ZNF831: variants seen among roughly 807,000 people sequenced by gnomAD.
The protein encoded by ZNF831 is zinc finger protein 831.
In ZNF831, 59 loss-of-function variants were observed where a neutral mutation model predicts 95.8. The observed-to-expected ratio is 0.62, with a 90% CI of 0.50 to 0.77. The LOEUF is 0.77. ZNF831 is among the 30% of genes least tolerant of loss of function. ZNF831 has a pLI of 0.00. For synonymous variants in ZNF831, 961 were observed against 925.5 expected (o/e 1.04, Z -0.70); for missense variants, 2,205 against 2,164.0 (o/e 1.02, Z -0.38).
intron 3 of ZNF831, among the ~76,000 whole-genome samples, chr20:59,205,672 C>T (rs895703055): frequency 1.2e-4 from 19 of 152,262 alleles, no homozygotes; most frequent in East Asian, 3.9e-4. Context: ...GGAAAATAGC[C>T]GGTTCTGAGG....
chr20:59,141,048 C>T (rs2146444295), intron 1 of ZNF831, among the ~76,000 whole-genome samples: 1 of 152,184 alleles, frequency 6.6e-6, no homozygotes, highest in Non-Finnish European at 1.5e-5. Flanking sequence ...TATAGGTGCG[C>T]ACCACCACAC....
chr20:59,218,984 G>C (rs1290576009), intron 4 of ZNF831, among the ~76,000 whole-genome samples: 4 of 152,242 alleles, frequency 2.6e-5, no homozygotes, highest in African/African-American at 9.6e-5. Context: ...CTACACTCCA[G>C]CCTAGGTGAC....
intron 1 of ZNF831, among the ~76,000 whole-genome samples, chr20:59,180,944 C>T (rs141552272): frequency 0.014 from 2,180 of 152,288 alleles, 18 homozygotes; most frequent in Admixed American, 0.022. Context: ...CTTGAGGAAT[C>T]GCCACATTGT....
chr20:59,222,757 C>T (rs1359808642), intron 4 of ZNF831, among the ~76,000 whole-genome samples: 1 of 152,178 alleles, frequency 6.6e-6, no homozygotes, highest in Non-Finnish European at 1.5e-5. Flanking sequence ...GCCTGGAGTC[C>T]GGTCTGGGAG....
At chr20:59,177,696 C>G (rs1490966415) in intron 1 of ZNF831, among the ~76,000 whole-genome samples, 2 of 152,220 alleles carry the variant, frequency 1.3e-5, no homozygotes, top group Non-Finnish European at 2.9e-5. Flanking sequence ...GACGGTCTCT[C>G]CTGGGATTGC....
chr20:59,178,966 T>C (rs1269501406), intron 1 of ZNF831, among the ~76,000 whole-genome samples: 2 of 152,108 alleles, frequency 1.3e-5, no homozygotes, highest in African/African-American at 4.8e-5. Flanking sequence ...TCTCCTTATG[T>C]CCCCATATGT....
rs201240930 is a variant in ZNF831, at chr20:59,151,692, C to A, written c.-1281+5318C>A. Among the ~76,000 whole-genome samples the A allele has an allele frequency of 9.2e-5, 14 of 152,258 alleles. No homozygotes were observed. The East Asian group carries it at 2.7e-3, about 29-fold the overall frequency. ...TGAAGAGAGCACTGTTTTGAAAAGTCCTTTATGGAGATTTGTAGTAGTTTT... is the reference window on the plus strand; with the variant it reads ...TGAAGAGAGCACTGTTTTGAAAAGTACTTTATGGAGATTTGTAGTAGTTTT... On this transcript the variant is annotated intron_variant, in intron 2 of 7. Coordinates refer to the ZNF831 transcript ENST00000637017.
chr20:59,246,327 A>G (rs1225692347), intron 4 of ZNF831, among the ~76,000 whole-genome samples: 1 of 152,342 alleles, frequency 6.6e-6, no homozygotes, highest in South Asian at 2.1e-4. Flanking sequence ...CTGAAACAGA[A>G]TAATTTCTCC....
intron 2 of ZNF831, among the ~76,000 whole-genome samples, chr20:59,148,293 G>A (rs1979990604): frequency 6.6e-6 from 1 of 152,128 alleles, no homozygotes; most frequent in African/African-American, 2.4e-5. Context: ...GGATATCCAA[G>A]GGGTGCACAT....
At chr20:59,178,478 A>C (rs1445584406) in intron 1 of ZNF831, among the ~76,000 whole-genome samples, 2 of 152,200 alleles carry the variant, frequency 1.3e-5, no homozygotes, top group African/African-American at 4.8e-5. Flanking sequence ...TCATTCACTC[A>C]ACCAATATTT....
chr20:59,235,616 A>G (rs1162125001), intron 4 of ZNF831, among the ~76,000 whole-genome samples: 1 of 152,220 alleles, frequency 6.6e-6, no homozygotes, highest in Admixed American at 6.5e-5. Flanking sequence ...GAGATGAACT[A>G]TATTAGAATC....
At chr20:59,149,161 A>G (rs1980074362) in intron 2 of ZNF831, among the ~76,000 whole-genome samples, 1 of 152,180 alleles carries the variant, frequency 6.6e-6, no homozygotes, top group African/African-American at 2.4e-5. Flanking sequence ...TTGAGATCAG[A>G]CCAGAGGTGC....
At chr20:59,130,188 G>A (rs1979304439) in intron 1 of ZNF831, among the ~76,000 whole-genome samples, 1 of 152,194 alleles carries the variant, frequency 6.6e-6, no homozygotes, top group African/African-American at 2.4e-5. Context: ...TTATTAAAGA[G>A]ACAGGGCCAT....
Position 59,150,750 on chromosome 20 carries a change from C to T in ZNF831, c.-1281+4376C>T, listed in dbSNP as rs148163876. On this transcript the variant is annotated intron_variant, in intron 2 of 7. Coordinates refer to the ZNF831 transcript ENST00000637017. ...AGGAGCTCTCCTTGAGTCTGCCCAA[C>T]GGAGGTGTGTAGTGATTTGTTGTCC... Among the ~76,000 whole-genome samples, 1,409 of 152,298 alleles carry T rather than the reference C, an allele frequency of 9.3e-3. 21 individuals are homozygous for T. The highest frequency in any genetic ancestry group is 0.031 in the African/African-American group (1,303 of 41,556).
At chr20:59,234,987 T>A (rs1174002017) in intron 4 of ZNF831, among the ~76,000 whole-genome samples, 2 of 152,206 alleles carry the variant, frequency 1.3e-5, no homozygotes, top group African/African-American at 4.8e-5. Context: ...AATGCCCTCT[T>A]CTTGCCATTC....
chr20:59,223,937 G>GAGGA (rs1436218209), intron 4 of ZNF831, among the ~76,000 whole-genome samples: 1 of 152,200 alleles, frequency 6.6e-6, no homozygotes, highest in Non-Finnish European at 1.5e-5. Flanking sequence ...GGACAGGAGG[G>GAGGA]AGGAAGGAAG....
Position 59,254,433 on chromosome 20 carries a change from G to A in ZNF831, c.4724G>A (p.Ser1575Asn), listed in dbSNP as rs1988075866. The A allele has an allele frequency of 1.2e-6, 2 of 1,614,164 alleles. No individual in the cohort carries two copies. The highest frequency in any genetic ancestry group is 2.2e-5 in the East Asian group (1 of 44,872). Residue 1575 changes from serine to asparagine, a missense_variant, in exon 6 of 6, where the codon AGT becomes AAT. Physicochemically the swap from Ser to Asn is conservative, Grantham distance 46 (BLOSUM62 1). Coordinates refer to ENST00000371030, the MANE Select transcript of ZNF831 (RefSeq NM_178457.3). The surrounding 1 kb of genome is among the most constrained non-coding windows in gnomAD (Gnocchi z 4.5). ...CTTGAAATACCAGCTTCAGGACCAA[G>A]TTCAGCTAGTTCACACCACAAGGAA... is the stretch of plus-strand genomic sequence containing the variant. ...THLEIPASGP[S>N]SASSHHKEGR... is the part of the protein sequence containing the mutation.
At position 59,254,185 on chromosome 20, in the gene ZNF831, C is replaced by G. The variant is rs369011002; in HGVS notation, c.4476C>G (p.Ala1492=). 2 of 1,613,964 alleles carry G rather than the reference C, an allele frequency of 1.2e-6. No individual in the cohort carries two copies. The highest frequency in any genetic ancestry group is 1.7e-6 in the Non-Finnish European group (2 of 1,180,032). ...PHHDIATSVA[A]VCISLPVRTD... ...ATGACATTGCTACCTCTGTGGCTGC[C>G]GTTTGTATTTCTCTGCCAGTGAGAA... The change falls in exon 6 of 6, where the codon GCC becomes GCG. Residue 1492 remains alanine, a synonymous_variant. Coordinates refer to ENST00000371030, the MANE Select transcript of ZNF831 (RefSeq NM_178457.3). The surrounding 1 kb of genome is among the most constrained non-coding windows in gnomAD (Gnocchi z 4.5).
intron 4 of ZNF831, among the ~76,000 whole-genome samples, chr20:59,244,998 T>C (rs1192759540): frequency 6.6e-6 from 1 of 152,224 alleles, no homozygotes; most frequent in Non-Finnish European, 1.5e-5. Flanking sequence ...TTTCACCTTA[T>C]AAGATACCAC....
Sources: gnomAD v4.1 joint callset for allele counts (sites outside exome capture counted in the v4.1 genomes callset) on GRCh38, gnomAD v4.1.1 for gene constraint, Gnocchi (gnomAD v3.1) non-coding constraint, MANE v1.5 for transcripts, NCBI Gene and HGNC (gene_info 2026-07-23, HGNC 2026-07-21) for gene names.